SYCE3: variants seen among roughly 807,000 people sequenced by gnomAD.
SYCE3 encodes testis highly expressed gene 2 protein.
SYCE3 carries 3 observed loss-of-function variants against 8.1 expected under a neutral mutation model. The ratio of observed to expected loss-of-function variants is 0.37; its 90% CI spans 0.17 to 0.96. The LOEUF is 0.96. Ranked by LOEUF, SYCE3 falls within the 40% of genes least tolerant of loss-of-function variation. The probability of loss-of-function intolerance (pLI) is 0.41; values close to 1 mark genes in which losing one functional copy is unlikely to be tolerated. For missense variants in SYCE3, 83 were observed against 110.0 expected (o/e 0.75, Z 1.10); for synonymous variants, 36 against 38.7 (o/e 0.93, Z 0.26).
chr22:50,559,431 C>A (rs1264793493), intron 1 of SYCE3, among the ~76,000 whole-genome samples: 1 of 152,154 alleles, frequency 6.6e-6, no homozygotes, highest in Non-Finnish European at 1.5e-5. Context: ...CTGGCCAGAA[C>A]TTCGATTTTT....
intron 1 of SYCE3, among the ~76,000 whole-genome samples, chr22:50,558,642 G>A (rs1464038188): frequency 2.0e-5 from 3 of 152,154 alleles, no homozygotes; most frequent in African/African-American, 7.2e-5. Context: ...CAGGGACTCC[G>A]TCCTGCTTTT....
intron 2 of SYCE3, among the ~76,000 whole-genome samples, chr22:50,555,458 G>A (rs566508208): frequency 6.6e-6 from 1 of 152,316 alleles, no homozygotes; most frequent in South Asian, 2.1e-4. Context: ...AGGAGAAGGA[G>A]AAATTGGGTA....
chr22:50,551,599 G>A (rs576375731), intron 2 of SYCE3, among the ~76,000 whole-genome samples, 197 bp from the exon 3 acceptor site: 1 of 152,340 alleles, frequency 6.6e-6, no homozygotes, highest in East Asian at 1.9e-4. Flanking sequence ...AACATCCATA[G>A]TGACGCTTCC....
intron 1 of SYCE3, among the ~76,000 whole-genome samples, chr22:50,556,681 C>A (rs1057420716): frequency 6.6e-6 from 1 of 152,196 alleles, no homozygotes; most frequent in Admixed American, 6.5e-5. Context: ...CAGAAAACAT[C>A]TTCATTATAA....
intron 1 of SYCE3, among the ~76,000 whole-genome samples, chr22:50,561,306 A>G (rs568032105): frequency 1.3e-5 from 2 of 152,148 alleles, no homozygotes; most frequent in African/African-American, 4.8e-5. Context: ...CCGGAGTGGC[A>G]CTGGATCTCA....
rs562680881 is a variant in SYCE3, at chr22:50,551,317, G to A, written c.195C>T (p.Ala65=). 3 of 1,551,252 alleles carry A rather than the reference G, an allele frequency of 1.9e-6. No homozygotes were observed. In the Admixed American group the frequency reaches 5.9e-5, roughly 30 times the overall value. Residue 65 remains alanine, a synonymous_variant, in exon 3 of 3, where the codon GCC becomes GCT. Coordinates refer to ENST00000406915, the MANE Select transcript of SYCE3 (RefSeq NM_001123225.3). ...CCATCTCCTCCTTGCAGTTGACGAA[G>A]GCATCCTCCAGCCGACGCATGGACT... ...LAESMRRLED[A]FVNCKEEMEK...
At chr22:50,559,644 G>A (rs2069894858) in intron 1 of SYCE3, among the ~76,000 whole-genome samples, 1 of 152,102 alleles carries the variant, frequency 6.6e-6, no homozygotes, top group South Asian at 2.1e-4. Flanking sequence ...AGAAGTGGAG[G>A]TAGCCGCCAG....
chr22:50,562,842 G>A lies in SYCE3; in HGVS notation c.-1+16C>T, dbSNP rs78789402. ...GTTGGGAGGGCCGGGGCCCAGGGGG[G>A]CGCGGCCTCGCTCACCTCCAGCTTG... On this transcript the variant is annotated intron_variant, in intron 1 of 2. Transcript: ENST00000406915. 0.095 allele frequency: 14,498 copies of A among 152,082 alleles called. 847 individuals carry two copies. The highest frequency in any genetic ancestry group is 0.19 in the Middle Eastern group (57 of 296). 9.4% of individuals were successfully genotyped at this position (152,082 alleles called of 1,614,324 possible).
chr22:50,554,665 G>A (rs914902674), intron 2 of SYCE3, among the ~76,000 whole-genome samples: 2 of 131,378 alleles, frequency 1.5e-5, no homozygotes, highest in African/African-American at 5.7e-5. Context: ...TTGCATTCAA[G>A]CCTGGACGAC....
intron 2 of SYCE3, among the ~76,000 whole-genome samples, chr22:50,553,798 G>A (rs1047159589): frequency 2.6e-5 from 4 of 151,992 alleles, no homozygotes; most frequent in African/African-American, 9.7e-5. Flanking sequence ...GCCCAGGCTG[G>A]TCTCAAACTC....
Position 50,560,691 on chromosome 22 carries a change from G to A in SYCE3, c.-1+2167C>T, listed in dbSNP as rs375954006. Among the ~76,000 whole-genome samples the A allele has an allele frequency of 1.2e-3, 176 of 152,212 alleles. 2 individuals are homozygous for A. The South Asian group carries it at 0.033, about 28-fold the overall frequency. Reference sequence around the variant, plus strand: ...AGGTTTTTTGTTTTTTGAATTCTTCGTTTCTAGGCTGTGTGGAAAGAGCTA... The same window carrying A: ...AGGTTTTTTGTTTTTTGAATTCTTCATTTCTAGGCTGTGTGGAAAGAGCTA... On this transcript the variant is annotated intron_variant, in intron 1 of 2. Coordinates refer to ENST00000406915, the MANE Select transcript of SYCE3 (RefSeq NM_001123225.3).
chr22:50,553,614 G>A (rs1172950602), intron 2 of SYCE3, among the ~76,000 whole-genome samples: 2 of 151,972 alleles, frequency 1.3e-5, no homozygotes, highest in African/African-American at 2.4e-5. Flanking sequence ...AGAGAGTCTC[G>A]CTCCGTCACC....
At chr22:50,557,873 T>G (rs745310636) in intron 1 of SYCE3, among the ~76,000 whole-genome samples, 17 of 152,118 alleles carry the variant, frequency 1.1e-4, no homozygotes, top group Non-Finnish European at 2.5e-4. Flanking sequence ...TTCCTGGTCT[T>G]TACTTCAGAG....
At chr22:50,552,999 A>G (rs936657700) in intron 2 of SYCE3, among the ~76,000 whole-genome samples, 9 of 152,188 alleles carry the variant, frequency 5.9e-5, no homozygotes, top group Non-Finnish European at 1.5e-5. Context: ...GAAGTTTGAG[A>G]TCAGACTGGG....
chr22:50,554,466 G>A (rs1004877802), intron 2 of SYCE3, among the ~76,000 whole-genome samples: 1 of 152,124 alleles, frequency 6.6e-6, no homozygotes, highest in Non-Finnish European at 1.5e-5. Flanking sequence ...GGCCAAGGCA[G>A]GTGGATCACC....
intron 2 of SYCE3, among the ~76,000 whole-genome samples, chr22:50,553,476 C>A (rs6009992): frequency 0.084 from 12,708 of 152,162 alleles, 1,184 homozygotes; most frequent in African/African-American, 0.23. Context: ...TGGTATTCTG[C>A]AGATGACCAA....
At chr22:50,553,861 G>A (rs145907700) in intron 2 of SYCE3, among the ~76,000 whole-genome samples, 8,733 of 152,136 alleles carry the variant, frequency 0.057, 547 homozygotes, top group African/African-American at 0.15. Context: ...GTTTACAGGT[G>A]TGAGCCACCG....
Position 50,551,114 on chromosome 22 carries a change from T to A in SYCE3, c.*131A>T. On this transcript the variant is annotated 3_prime_UTR_variant, in exon 3 of 3. Coordinates refer to ENST00000406915, the MANE Select transcript of SYCE3 (RefSeq NM_001123225.3). ...CAGGAGAGAAGAGGTCCTCGGGCTG[T>A]GCTTAAAAATAAGTTTATTAAGAAA... The A allele has an allele frequency of 8.2e-7, 1 of 1,214,344 alleles. No individual in the cohort carries two copies. The highest frequency in any genetic ancestry group is 1.1e-6 in the Non-Finnish European group (1 of 877,866). 75.2% of individuals were successfully genotyped at this position (1,214,344 alleles called of 1,614,324 possible). A position where few individuals can be genotyped will look rare whatever the true frequency, so the allele number is the denominator to read the frequency against.
intron 2 of SYCE3, among the ~76,000 whole-genome samples, chr22:50,554,388 T>TGTA (rs1423868205): frequency 2.0e-5 from 3 of 151,938 alleles, no homozygotes; most frequent in Non-Finnish European, 2.9e-5. Flanking sequence ...TTGATAGATT[T>TGTA]TTCACTACAT....
Sources: gnomAD v4.1 joint callset for allele counts (sites outside exome capture counted in the v4.1 genomes callset) on GRCh38, gnomAD v4.1.1 for gene constraint, MANE v1.5 for transcripts, NCBI Gene and HGNC (gene_info 2026-07-23, HGNC 2026-07-21) for gene names.